Variants in AKAP6 observed in about 807,000 individuals in gnomAD.
AKAP6 encodes A-kinase anchoring protein 6.
Under a neutral mutation model 188.5 loss-of-function variants are expected in AKAP6, and 58 were observed. The observed-to-expected ratio is 0.31, with a 90% CI of 0.25 to 0.38. The LOEUF is 0.38. Among genes scored for constraint, AKAP6 ranks in the 10% least tolerant of loss-of-function variants. The pLI, the probability that AKAP6 is intolerant of heterozygous loss-of-function variation, is 1.00. For missense variants in AKAP6, 2,710 were observed against 2,740.0 expected, an observed-to-expected ratio of 0.99 and a Z score of 0.24; for synonymous variants, 989 against 998.6, an observed-to-expected ratio of 0.99 and a Z score of 0.18.
At chr14:32,646,987 A>G (rs1888011487) in intron 7 of AKAP6, among the ~76,000 whole-genome samples, 1 of 152,186 alleles carries the variant, frequency 6.6e-6, no homozygotes, top group Non-Finnish European at 1.5e-5. Flanking sequence ...GAAAGGCACT[A>G]CAACTATTTT....
chr14:32,615,167 C>CAAAAAAAAAAA (rs71115086), intron 7 of AKAP6, among the ~76,000 whole-genome samples: 10,303 of 52,570 alleles, frequency 0.2, 2,181 homozygotes, highest in Non-Finnish European at 0.24. Context: ...GACTCTGTCT[C>CAAAAAAAAAAA]AAAAAAAAAA....
At chr14:32,722,509 C>T (rs888239418) in intron 9 of AKAP6, among the ~76,000 whole-genome samples, 5 of 152,196 alleles carry the variant, frequency 3.3e-5, no homozygotes, top group South Asian at 2.1e-4. Flanking sequence ...TTTTCCTGCC[C>T]GAATGTTGCC....
At chr14:32,768,881 G>A (rs901578341) in intron 11 of AKAP6, among the ~76,000 whole-genome samples, 2 of 151,866 alleles carry the variant, frequency 1.3e-5, no homozygotes, top group Admixed American at 6.6e-5. Context: ...GTTCTAACAA[G>A]TTTCTGGGTG....
intron 1 of AKAP6, chr14:32,375,852 AGG>A (rs1269472873): frequency 1.3e-5 from 2 of 152,220 alleles, no homozygotes; most frequent in African/African-American, 4.8e-5. Flanking sequence ...GGCTAAGGAA[AGG>A]GAGTTTCCAG....
intron 2 of AKAP6, among the ~76,000 whole-genome samples, chr14:32,514,589 A>G (rs1239926945): frequency 2.6e-5 from 4 of 152,352 alleles, no homozygotes; most frequent in South Asian, 4.1e-4. Flanking sequence ...ATTAACCTGT[A>G]AGATCCTTTA....
intron 1 of AKAP6, among the ~76,000 whole-genome samples, chr14:32,334,750 C>G (rs1886636810): frequency 6.6e-6 from 1 of 152,128 alleles, no homozygotes; most frequent in African/African-American, 2.4e-5. Context: ...CGAGCACATA[C>G]CGGTCAGTAA....
chr14:32,569,978 G>A (rs1884401552), intron 4 of AKAP6, among the ~76,000 whole-genome samples: 1 of 152,032 alleles, frequency 6.6e-6, no homozygotes, highest in African/African-American at 2.4e-5. Context: ...TCGGGTAGCT[G>A]GGTGGTGAAA....
chr14:32,813,026 T>C (rs10133551), intron 12 of AKAP6, among the ~76,000 whole-genome samples: 45,659 of 151,970 alleles, frequency 0.3, 8,267 homozygotes, highest in Non-Finnish European at 0.41. Flanking sequence ...TCAGATCCCA[T>C]ACGGGAAAGG....
At chr14:32,786,564 T>C (rs902233464) in intron 12 of AKAP6, among the ~76,000 whole-genome samples, 2 of 152,082 alleles carry the variant, frequency 1.3e-5, no homozygotes, top group African/African-American at 4.8e-5. Context: ...GACCTCGTGA[T>C]CTGCCTGCCT....
chr14:32,684,710 T>C (rs1889831085), intron 8 of AKAP6, among the ~76,000 whole-genome samples: 1 of 151,046 alleles, frequency 6.6e-6, no homozygotes, highest in Admixed American at 6.6e-5. Context: ...TCTCAGTCTA[T>C]AAAATGAGAA....
intron 12 of AKAP6, among the ~76,000 whole-genome samples, chr14:32,817,927 CT>C (rs1250182132): frequency 6.6e-6 from 1 of 151,886 alleles, no homozygotes; most frequent in Non-Finnish European, 1.5e-5. Flanking sequence ...CCAAAGAGAA[CT>C]TTTTTAGTTA....
intron 2 of AKAP6, among the ~76,000 whole-genome samples, chr14:32,511,987 A>T (rs1421650212): frequency 6.6e-6 from 1 of 152,122 alleles, no homozygotes; most frequent in Non-Finnish European, 1.5e-5. Context: ...TATTTTCTGT[A>T]TCTCCAGCTC....
In AKAP6 at chr14:32,408,642, G is replaced by T. The variant is rs1174194268; in HGVS notation, c.-34-24818G>T. Among the ~76,000 whole-genome samples, 8 of 151,928 alleles carry T rather than the reference G, an allele frequency of 5.3e-5. No individual in the cohort carries two copies. The East Asian group carries it at 1.5e-3, about 29-fold the overall frequency. On this transcript the variant is annotated intron_variant, in intron 1 of 13. Coordinates refer to ENST00000280979, the MANE Select transcript of AKAP6 (RefSeq NM_004274.5). The stretch of plus-strand genomic sequence containing the variant: ...TTAAGAATACAAGTAAATTGAGTGT[G>T]ACCTGACCTTAGTCTGTTATTGTAA...
At chr14:32,510,521 A>G (rs1881205884) in intron 2 of AKAP6, among the ~76,000 whole-genome samples, 1 of 138,590 alleles carries the variant, frequency 7.2e-6, no homozygotes, top group Non-Finnish European at 1.5e-5. Flanking sequence ...ATTACCTACA[A>G]TCTTATTCCC....
At chr14:32,653,176 A>T (rs1888305347) in intron 7 of AKAP6, among the ~76,000 whole-genome samples, 1 of 152,164 alleles carries the variant, frequency 6.6e-6, no homozygotes, top group African/African-American at 2.4e-5. Context: ...TTTGGCCTCG[A>T]GTTAGGTATT....
intron 4 of AKAP6, among the ~76,000 whole-genome samples, chr14:32,563,185 C>A (rs1884029394): frequency 6.6e-6 from 1 of 152,102 alleles, no homozygotes; most frequent in African/African-American, 2.4e-5. Flanking sequence ...TGAGGGCATT[C>A]TTTGGTGCTG....
intron 1 of AKAP6, among the ~76,000 whole-genome samples, chr14:32,335,319 G>C (rs538634556): frequency 2.1e-4 from 32 of 152,218 alleles, no homozygotes; most frequent in African/African-American, 4.1e-4. Context: ...TTAATAAGAG[G>C]CTCCACATTT....
chr14:32,829,767 A>G (rs912921919), intron 13 of AKAP6, 81 bp from the exon 14 acceptor site: 1 of 619,284 alleles, frequency 1.6e-6, no homozygotes, highest in Admixed American at 2.7e-5. Context: ...GCAGCCTTCA[A>G]TGGTTCCTCA....
At chr14:32,383,485 C>A (rs1332289306) in intron 1 of AKAP6, among the ~76,000 whole-genome samples, 1 of 152,120 alleles carries the variant, frequency 6.6e-6, no homozygotes, top group Admixed American at 6.6e-5. Context: ...GACAAAATAT[C>A]TGAATTTGGC....
Sources: allele counts gnomAD v4.1 joint callset (sites outside exome capture counted in the v4.1 genomes callset), GRCh38; gene constraint gnomAD v4.1.1; transcripts MANE v1.5; gene names NCBI Gene and HGNC (gene_info 2026-07-23, HGNC 2026-07-21).